PRDM16: variants seen among roughly 807,000 people sequenced by gnomAD.
PRDM16 encodes the protein PR/SET domain 16.
A neutral mutation model predicts 110.6 loss-of-function variants in PRDM16; 23 were observed. That is an observed-to-expected ratio of 0.21 (90% CI 0.15 to 0.29). PRDM16 has a LOEUF of 0.29. Ranked by LOEUF, PRDM16 falls within the 10% of genes least tolerant of loss-of-function variation. PRDM16 has a pLI of 1.00. For synonymous variants in PRDM16, 799 were observed against 781.8 expected (o/e 1.02, Z -0.37); for missense variants, 1,615 against 1,794.3 (o/e 0.90, Z 1.81).
At chr1:3,121,511 G>A (rs1024918553) in intron 1 of PRDM16, among the ~76,000 whole-genome samples, 1 of 152,260 alleles carries the variant, frequency 6.6e-6, no homozygotes, top group Non-Finnish European at 1.5e-5. Flanking sequence ...AACCGTTTCT[G>A]TGGAGACTCC....
At chr1:3,398,130 A>T (rs554183529) in intron 5 of PRDM16, among the ~76,000 whole-genome samples, 1 of 152,350 alleles carries the variant, frequency 6.6e-6, no homozygotes, top group Middle Eastern at 3.4e-3. Flanking sequence ...GACAGCGCAC[A>T]AGAACGCCAA....
intron 3 of PRDM16, among the ~76,000 whole-genome samples, chr1:3,379,272 A>G (rs533675178): frequency 5.1e-4 from 20 of 39,114 alleles, no homozygotes; most frequent in East Asian, 8.8e-4. Flanking sequence ...ACCCCTCCCA[A>G]CACACCCCTC....
chr1:3,398,284 G>GAATTTTCCTAATAATTTA (rs1203059422), intron 5 of PRDM16, among the ~76,000 whole-genome samples: 1 of 152,058 alleles, frequency 6.6e-6, no homozygotes. Context: ...AATAACCTGG[G>GAATTTTCCTAATAATTTA]TCTACATTTT....
intron 4 of PRDM16, among the ~76,000 whole-genome samples, chr1:3,388,813 C>T (rs1643245615): frequency 6.6e-6 from 1 of 152,228 alleles, no homozygotes. Context: ...TCACACACCT[C>T]CTTCAGCCCA....
chr1:3,091,333 G>A (rs1642271604), intron 1 of PRDM16, among the ~76,000 whole-genome samples: 1 of 152,150 alleles, frequency 6.6e-6, no homozygotes, highest in South Asian at 2.1e-4. Flanking sequence ...ACCAGCACTG[G>A]ACTTGACTTA....
intron 1 of PRDM16, among the ~76,000 whole-genome samples, chr1:3,163,659 A>G (rs1288982581): frequency 6.6e-6 from 1 of 151,872 alleles, no homozygotes; most frequent in African/African-American, 2.4e-5. Context: ...GGCTCTGAGA[A>G]CCCTTGTCCC....
At chr1:3,149,875 ATGCGTGTACTCC>A (rs1294315269) in intron 1 of PRDM16, among the ~76,000 whole-genome samples, 1 of 152,182 alleles carries the variant, frequency 6.6e-6, no homozygotes, top group Non-Finnish European at 1.5e-5. Flanking sequence ...GTTTTCTGAG[ATGCGTGTACTCC>A]TGCTGTTACT....
In PRDM16 at chr1:3,281,404, G is replaced by A. The variant is rs116295580; in HGVS notation, c.438+37267G>A. On this transcript the variant is annotated intron_variant, in intron 3 of 16. Coordinates refer to ENST00000270722, the MANE Select transcript of PRDM16 (RefSeq NM_022114.4). ...AAGTAGGTGTCCACTATATGAAATC[G>A]AAATAGGGATCATTCCTGTGCCTGC... 6.5e-3 allele frequency among the ~76,000 whole-genome samples: 991 copies of A among 152,348 alleles called. 14 individuals carry two copies. Among genetic ancestry groups the A allele is most frequent in the African/African-American group, 0.021 (885 of 41,578 alleles).
chr1:3,185,740 T>C, intron 1 of PRDM16, among the ~76,000 whole-genome samples: 1 of 152,228 alleles, frequency 6.6e-6, no homozygotes, highest in East Asian at 1.9e-4. Context: ...GCGTGACGGC[T>C]TCACCGGCTG....
intron 3 of PRDM16, among the ~76,000 whole-genome samples, chr1:3,272,430 G>C (rs937660179): frequency 3.3e-5 from 5 of 152,126 alleles, no homozygotes; most frequent in Non-Finnish European, 7.3e-5. Context: ...CCACAGGCAC[G>C]CGCTGGACTC....
At chr1:3,240,861 G>A (rs16823599) in intron 2 of PRDM16, among the ~76,000 whole-genome samples, 6,622 of 152,334 alleles carry the variant, frequency 0.043, 305 homozygotes, top group African/African-American at 0.12. Flanking sequence ...CTGGCGCTGG[G>A]ACCCGTGAGA....
intron 1 of PRDM16, among the ~76,000 whole-genome samples, chr1:3,093,127 G>T (rs1403535551): frequency 6.6e-6 from 1 of 152,204 alleles, no homozygotes; most frequent in African/African-American, 2.4e-5. Context: ...GAGAAGTGGT[G>T]AGAAGAGGAA....
chr1:3,278,759 C>T (rs1455959139), intron 3 of PRDM16, among the ~76,000 whole-genome samples: 2 of 152,316 alleles, frequency 1.3e-5, no homozygotes, highest in East Asian at 3.9e-4. Flanking sequence ...CTGCTGGCCT[C>T]TCTGGCAGAC....
chr1:3,320,614 G>A (rs1641718635), intron 3 of PRDM16, among the ~76,000 whole-genome samples: 1 of 152,230 alleles, frequency 6.6e-6, no homozygotes. Context: ...AATCAACAAT[G>A]TGGACCTGCC....
chr1:3,331,299 C>CT (rs1553164486), intron 3 of PRDM16, among the ~76,000 whole-genome samples: 1 of 152,224 alleles, frequency 6.6e-6, no homozygotes, highest in South Asian at 2.1e-4. Flanking sequence ...AGGCAGCCCC[C>CT]CCCCGGCACA....
At chr1:3,140,493 C>T (rs372652054) in intron 1 of PRDM16, among the ~76,000 whole-genome samples, 10 of 152,132 alleles carry the variant, frequency 6.6e-5, no homozygotes, top group Admixed American at 2.6e-4. Context: ...TGCAGAGAAC[C>T]GGCCCCGACC....
chr1:3,335,602 A>ACACACACAC lies in PRDM16; in HGVS notation c.439-49550_439-49549insCACACACAC, dbSNP rs1642127605. 2.1e-5 allele frequency among the ~76,000 whole-genome samples: 3 copies of ACACACACAC among 144,436 alleles called. No homozygotes were observed. In the East Asian group the frequency reaches 6.4e-4, roughly 31 times the overall value. The allele number at this position is 144,436 out of a possible 152,430, so 94.8% of individuals were successfully genotyped here. A position where few individuals can be genotyped will look rare whatever the true frequency, so the allele number is the denominator to read the frequency against. ...AAATCTAACCTTTGGCTGAGGTTAA[A>ACACACACAC]ACACACACACACACACACACACACA... On this transcript the variant is annotated intron_variant, in intron 3 of 16. Coordinates refer to ENST00000270722, the MANE Select transcript of PRDM16 (RefSeq NM_022114.4).
chr1:3,181,101 GTCTTACACGCGGCCTTACACACGCA>G (rs1451358627), intron 1 of PRDM16, among the ~76,000 whole-genome samples: 5 of 20,438 alleles, frequency 2.4e-4, no homozygotes, highest in South Asian at 1.3e-3. Flanking sequence ...TACACACGCA[GTCTTACACGCGGCCTTACACACGCA>G]GTCTTACACG....
chr1:3,272,563 G>T (rs1305587296), intron 3 of PRDM16, among the ~76,000 whole-genome samples: 4 of 152,192 alleles, frequency 2.6e-5, no homozygotes, highest in Non-Finnish European at 4.4e-5. Flanking sequence ...TCTCCAAAGG[G>T]ACGTCCCGCC....
Sources: allele counts gnomAD v4.1 joint callset (sites outside exome capture counted in the v4.1 genomes callset), GRCh38; gene constraint gnomAD v4.1.1; transcripts MANE v1.5; gene names NCBI Gene and HGNC (gene_info 2026-07-23, HGNC 2026-07-21).